DLGAP2: variants seen among roughly 807,000 people sequenced by gnomAD.
DLGAP2 encodes DLG associated protein 2.
A neutral mutation model predicts 100.3 loss-of-function variants in DLGAP2; 26 were observed. The observed-to-expected ratio is 0.26, with a 90% CI of 0.19 to 0.36. The LOEUF (loss-of-function observed/expected upper bound fraction) is 0.36. Among genes scored for constraint, DLGAP2 ranks in the 10% least tolerant of loss-of-function variants. DLGAP2 has a pLI of 1.00. For missense variants in DLGAP2, 1,858 were observed against 1,453.2 expected (o/e 1.28, Z -4.53); for synonymous variants, 886 against 630.1 (o/e 1.41, Z -6.08).
At chr8:1,134,618 A>G (rs1031420296) in intron 2 of DLGAP2, among the ~76,000 whole-genome samples, 2 of 152,234 alleles carry the variant, frequency 1.3e-5, no homozygotes, top group Admixed American at 6.5e-5. Context: ...ATAAACTTGT[A>G]TAAGTTCGTT....
chr8:1,190,587 G>A (rs913661290), intron 2 of DLGAP2, among the ~76,000 whole-genome samples: 6 of 152,302 alleles, frequency 3.9e-5, no homozygotes, highest in Non-Finnish European at 5.9e-5. Context: ...GCCGCCTGTC[G>A]CAATCAGCAT....
At chr8:1,049,191 A>G (rs4735973) in intron 2 of DLGAP2, among the ~76,000 whole-genome samples, 11,326 of 152,202 alleles carry the variant, frequency 0.074, 683 homozygotes, top group East Asian at 0.15. Flanking sequence ...CTTCATCCTC[A>G]TTGTCTCTCG....
chr8:1,553,953 C>T (rs3793409), intron 5 of DLGAP2, among the ~76,000 whole-genome samples: 1,718 of 152,318 alleles, frequency 0.011, 19 homozygotes, highest in Admixed American at 0.018. Flanking sequence ...AAAATGGAGC[C>T]AGGCTCCCCT....
intron 4 of DLGAP2, among the ~76,000 whole-genome samples, chr8:1,514,962 C>T (rs1563195452): frequency 6.6e-6 from 1 of 152,062 alleles, no homozygotes. Flanking sequence ...GGGAGACCGA[C>T]GTGCAGGGAC....
intron 1 of DLGAP2, among the ~76,000 whole-genome samples, chr8:756,063 G>T (rs1820911875): frequency 6.6e-6 from 1 of 152,210 alleles, no homozygotes; most frequent in Admixed American, 6.5e-5. Context: ...GCCAGGCTGT[G>T]AGGGCCTTTT....
intron 3 of DLGAP2, among the ~76,000 whole-genome samples, chr8:1,476,700 C>G (rs1281034243): frequency 2.0e-5 from 3 of 151,944 alleles, no homozygotes; most frequent in African/African-American, 7.3e-5. Flanking sequence ...CAGACCCACC[C>G]TTGATGGCTG....
chr8:1,050,310 G>T (rs1057483123), intron 2 of DLGAP2, among the ~76,000 whole-genome samples: 1 of 152,296 alleles, frequency 6.6e-6, no homozygotes, highest in South Asian at 2.1e-4. Flanking sequence ...CCATACGAGT[G>T]CCCCTCTGCT....
chr8:1,194,791 C>G (rs1029937200), intron 2 of DLGAP2, among the ~76,000 whole-genome samples: 1 of 152,206 alleles, frequency 6.6e-6, no homozygotes, highest in Non-Finnish European at 1.5e-5. Flanking sequence ...CTACAGAAGT[C>G]TCTTATCGTC....
At chr8:908,879 C>G (rs916791566) in intron 2 of DLGAP2, among the ~76,000 whole-genome samples, 1 of 152,108 alleles carries the variant, frequency 6.6e-6, no homozygotes, top group Non-Finnish European at 1.5e-5. Context: ...TGTTTTCTAG[C>G]TATAACAAGG....
chr8:1,216,081 A>T (rs903043157), intron 2 of DLGAP2, among the ~76,000 whole-genome samples: 1 of 152,184 alleles, frequency 6.6e-6, no homozygotes, highest in African/African-American at 2.4e-5. Context: ...AGTTTGAATT[A>T]CTTCTAATTT....
chr8:1,102,194 G>A (rs1021347779), intron 2 of DLGAP2, among the ~76,000 whole-genome samples: 9 of 147,580 alleles, frequency 6.1e-5, no homozygotes, highest in African/African-American at 2.2e-4. Flanking sequence ...ATATAATATT[G>A]AATTACATAT....
intron 3 of DLGAP2, among the ~76,000 whole-genome samples, chr8:1,372,780 A>G (rs13249719): frequency 0.77 from 117,416 of 152,180 alleles, 45,339 homozygotes; most frequent in South Asian, 0.86. Flanking sequence ...TTGTACTGCA[A>G]TAGAGGCAGT....
intron 2 of DLGAP2, among the ~76,000 whole-genome samples, chr8:1,109,735 C>T (rs1184184130): frequency 5.6e-3 from 10 of 1,798 alleles, no homozygotes; most frequent in African/African-American, 0.01. Context: ...GAGGTGTGTA[C>T]GGGTCTGTGA....
intron 3 of DLGAP2, among the ~76,000 whole-genome samples, chr8:1,478,886 A>C (rs1221032085): frequency 6.6e-6 from 1 of 152,238 alleles, no homozygotes; most frequent in East Asian, 1.9e-4. Context: ...GCTTGGAATG[A>C]GTCACGAAGC....
At chr8:767,404 G>C (rs1291122892) in intron 1 of DLGAP2, among the ~76,000 whole-genome samples, 1 of 143,596 alleles carries the variant, frequency 7.0e-6, no homozygotes, top group Non-Finnish European at 1.5e-5. Context: ...ATTCTGGAGT[G>C]CAATGGTGCC....
chr8:1,599,253 T>A (rs574125461), intron 6 of DLGAP2, among the ~76,000 whole-genome samples: 6 of 152,344 alleles, frequency 3.9e-5, no homozygotes, highest in African/African-American at 1.4e-4. Flanking sequence ...TCCATCCTTT[T>A]GCATTTGCTG....
chr8:1,601,945 GGT>G (rs55762722), intron 6 of DLGAP2, among the ~76,000 whole-genome samples: 2,386 of 146,364 alleles, frequency 0.016, 51 homozygotes, highest in African/African-American at 0.054. Context: ...AATTTAACAG[GGT>G]GTGTGTGTGT....
At chr8:1,596,264 G>T (rs982694990) in intron 6 of DLGAP2, among the ~76,000 whole-genome samples, 1 of 152,118 alleles carries the variant, frequency 6.6e-6, no homozygotes, top group African/African-American at 2.4e-5. Flanking sequence ...TCTTTATGCA[G>T]TTTATCATTG....
intron 3 of DLGAP2, among the ~76,000 whole-genome samples, chr8:1,276,578 G>A (rs1368879639): frequency 6.6e-6 from 1 of 151,952 alleles, no homozygotes; most frequent in Non-Finnish European, 1.5e-5. Context: ...CATTAAGTGC[G>A]GTTTGAGTAC....
Sources: gnomAD v4.1 joint callset for allele counts (sites outside exome capture counted in the v4.1 genomes callset) on GRCh38, gnomAD v4.1.1 for gene constraint, MANE v1.5 for transcripts, NCBI Gene and HGNC (gene_info 2026-07-23, HGNC 2026-07-21) for gene names.